The following LATS1 variants were observed in gnomAD, a reference collection of about 807,000 sequenced individuals.
The protein encoded by LATS1 is serine/threonine-protein kinase LATS1.
LATS1 carries 25 observed loss-of-function variants against 106.6 expected under a neutral mutation model. The observed-to-expected ratio is 0.23, with a 90% confidence interval of 0.17 to 0.33. The LOEUF is 0.33. LATS1 is among the 10% of genes least tolerant of loss of function. The pLI, the probability that LATS1 is intolerant of heterozygous loss-of-function variation, is 1.00. For synonymous variants in LATS1, 465 were observed against 455.6 expected (o/e 1.02, Z -0.26); for missense variants, 1,040 against 1,382.6 (o/e 0.75, Z 3.93).
chr6:149,716,549 CTATT>C (rs924211941), intron 1 of LATS1: 12 of 151,996 alleles, frequency 7.9e-5, no homozygotes, highest in African/African-American at 2.9e-4. Context: ...AGTTCCAACA[CTATT>C]TATATAGAAC....
In LATS1 at chr6:149,718,045, C is replaced by T. The variant is rs748499094; in HGVS notation, c.-337G>A. The T allele has an allele frequency of 1.9e-4, 59 of 307,462 alleles. No homozygotes were observed. The Middle Eastern group carries it at 5.0e-3, about 26-fold the overall frequency. The allele number at this position is 307,462 out of a possible 1,614,324, so 19.0% of individuals were successfully genotyped here. A position where few individuals can be genotyped will look rare whatever the true frequency, so the allele number is the denominator to read the frequency against. On this transcript the variant is annotated 5_prime_UTR_variant, in exon 1 of 8. Transcript: ENST00000543571. ...GGCTCTCCCCTTAACACCAGGCCAC[C>T]GCCGCCGCCGCCGCCATTTTGCCTT...
chr6:149,707,523 T>C (rs1199434196), intron 1 of LATS1, among the ~76,000 whole-genome samples: 3 of 152,198 alleles, frequency 2.0e-5, no homozygotes, highest in Non-Finnish European at 2.9e-5. Flanking sequence ...TTACATTCCA[T>C]GTAGTATACA....
intron 7 of LATS1, among the ~76,000 whole-genome samples, chr6:149,672,023 G>A (rs1347002347): frequency 6.6e-6 from 1 of 151,572 alleles, no homozygotes; most frequent in Admixed American, 6.6e-5. Flanking sequence ...CGAGTAGCTG[G>A]GATTACAGGT....
intron 3 of LATS1, among the ~76,000 whole-genome samples, chr6:149,686,406 C>T (rs1340546108): frequency 1.3e-5 from 2 of 152,150 alleles, no homozygotes; most frequent in Non-Finnish European, 2.9e-5. Context: ...TTAGAGTATA[C>T]AGTCACCCCT....
intron 2 of LATS1, chr6:149,697,109 G>A (rs893479240): frequency 2.2e-5 from 29 of 1,335,594 alleles, no homozygotes; most frequent in Non-Finnish European, 2.5e-5. Flanking sequence ...AGAGGATTCA[G>A]TATTTCAAAC....
In LATS1 at chr6:149,718,044, C is replaced by T. The variant is rs988034909; in HGVS notation, c.-336G>A. ...TGGCTCTCCCCTTAACACCAGGCCA[C>T]CGCCGCCGCCGCCGCCATTTTGCCT... On this transcript the variant is annotated 5_prime_UTR_variant, in exon 1 of 8. It adds an upstream start codon to the 5' untranslated region. Transcript: ENST00000543571. 5 of 307,904 alleles carry T rather than the reference C, an allele frequency of 1.6e-5. No individual in the cohort carries two copies. Among genetic ancestry groups the T allele is most frequent in the Non-Finnish European group, 2.5e-5 (4 of 157,202 alleles). The allele number at this position is 307,904 out of a possible 1,614,324, so 19.1% of individuals were successfully genotyped here. A position where few individuals can be genotyped will look rare whatever the true frequency, so the allele number is the denominator to read the frequency against.
chr6:149,707,011 CTTTTTTTT>C (rs745424840), intron 1 of LATS1, among the ~76,000 whole-genome samples: 2 of 110,444 alleles, frequency 1.8e-5, no homozygotes, highest in African/African-American at 3.6e-5. Flanking sequence ...CTGGACATCT[CTTTTTTTT>C]TTTTTTTTTT....
intron 3 of LATS1, 30 bp from the exon 4 acceptor site, chr6:149,684,622 A>C (rs1782261787): frequency 2.0e-6 from 3 of 1,470,180 alleles, no homozygotes; most frequent in Non-Finnish European, 2.7e-6. Context: ...AAAGAGAAAA[A>C]AGAATCATGT....
intron 7 of LATS1, among the ~76,000 whole-genome samples, chr6:149,666,399 C>G (rs898705401): frequency 2.6e-5 from 4 of 151,544 alleles, no homozygotes; most frequent in Non-Finnish European, 4.4e-5. Context: ...GGGCAGATCA[C>G]AAGGTCAGGA....
Position 149,676,310 on chromosome 6 carries a change from C to T in LATS1, c.2833G>A (p.Val945Met), listed in dbSNP as rs1446649490. The T allele has an allele frequency of 1.9e-6, 3 of 1,613,652 alleles. No homozygotes were observed. The Admixed American group carries it at 5.0e-5, about 27-fold the overall frequency. ...SVGVILFEML[V>M]GQPPFLAQTP... is the part of the protein sequence containing the mutation. ...TGTGCCAAGAAAGGAGGTTGTCCCA[C>T]CAACATTTCAAAAAGAATAACACCA... is the stretch of plus-strand genomic sequence containing the variant. The change falls in exon 7 of 8, where the codon GTG becomes ATG. Residue 945 changes from valine to methionine, a missense_variant. Physicochemically the swap from Val to Met is conservative, Grantham distance 21 (BLOSUM62 1). Transcript: ENST00000543571.
chr6:149,685,982 A>T (rs1782355694), intron 3 of LATS1, among the ~76,000 whole-genome samples: 1 of 152,184 alleles, frequency 6.6e-6, no homozygotes, highest in Non-Finnish European at 1.5e-5. Flanking sequence ...ACAAAAGACC[A>T]TTCAATAGTA....
At chr6:149,703,826 G>A (rs1398500658) in intron 1 of LATS1, among the ~76,000 whole-genome samples, 1 of 152,146 alleles carries the variant, frequency 6.6e-6, no homozygotes, top group African/African-American at 2.4e-5. Flanking sequence ...AGGATTAAGA[G>A]GAACAATGCA....
chr6:149,683,608 A>G lies in LATS1; in HGVS notation c.1481T>C (p.Ile494Thr), dbSNP rs753464608. The G allele has an allele frequency of 6.2e-7, 1 of 1,614,238 alleles. No homozygotes were observed. The highest frequency in any genetic ancestry group is 8.5e-7 in the Non-Finnish European group (1 of 1,180,042). The change falls in exon 4 of 8, where the codon ATT (isoleucine) becomes ACT (threonine). Residue 494 changes from isoleucine to threonine, a missense_variant. By Grantham distance (89) the Ile-to-Thr change is moderately conservative. Coordinates refer to ENST00000543571, the MANE Select transcript of LATS1 (RefSeq NM_004690.4). ...TTVTAITPAP[I>T]QQPVKSMRVL... The stretch of plus-strand genomic sequence containing the variant: ...ACGCATACTTTTCACAGGCTGTTGA[A>G]TAGGAGCTGGTGTAATTGCAGTGAC...
At chr6:149,703,686 A>T (rs1582916274) in intron 1 of LATS1, among the ~76,000 whole-genome samples, 1 of 152,208 alleles carries the variant, frequency 6.6e-6, no homozygotes, top group South Asian at 2.1e-4. Context: ...CAACATAGGG[A>T]GACCCTGTCT....
chr6:149,709,369 T>G (rs750710991), intron 1 of LATS1, among the ~76,000 whole-genome samples: 2 of 152,194 alleles, frequency 1.3e-5, no homozygotes, highest in Non-Finnish European at 2.9e-5. Flanking sequence ...ATCCAAGTAT[T>G]TGACCCCAAA....
At chr6:149,663,451 G>C (rs148994995) in intron 7 of LATS1, among the ~76,000 whole-genome samples, 1 of 152,032 alleles carries the variant, frequency 6.6e-6, no homozygotes, top group Non-Finnish European at 1.5e-5. Flanking sequence ...CTCCAGCCTG[G>C]GCGACAGAGC....
At chr6:149,663,326 T>C (rs1245367315) in intron 7 of LATS1, among the ~76,000 whole-genome samples, 1 of 152,016 alleles carries the variant, frequency 6.6e-6, no homozygotes, top group Non-Finnish European at 1.5e-5. Context: ...CTACAAAAAA[T>C]ACAAAAGTTA....
At position 149,717,884 on chromosome 6, in the gene LATS1, C is replaced by T. The variant is rs1272219604; in HGVS notation, c.-176G>A. ...GAGCAGAGCTCCTGGACAGCGGCCACGGGCCTGAGGGCGGACGCTGAGGCG... is the reference window on the plus strand; with the variant it reads ...GAGCAGAGCTCCTGGACAGCGGCCATGGGCCTGAGGGCGGACGCTGAGGCG... On this transcript the variant is annotated 5_prime_UTR_variant, in exon 1 of 8. It adds an upstream start codon to the 5' untranslated region. Coordinates refer to ENST00000543571, the MANE Select transcript of LATS1 (RefSeq NM_004690.4). 3 of 370,892 alleles carry T rather than the reference C, an allele frequency of 8.1e-6. No individual in the cohort carries two copies. The Admixed American group carries it at 1.1e-4, about 14-fold the overall frequency. The allele number at this position is 370,892 out of a possible 1,614,324, so 23.0% of individuals were successfully genotyped here. A position where few individuals can be genotyped will look rare whatever the true frequency, so the allele number is the denominator to read the frequency against.
At chr6:149,698,530 A>G (rs1383099710) in intron 2 of LATS1, among the ~76,000 whole-genome samples, 1 of 150,440 alleles carries the variant, frequency 6.6e-6, no homozygotes, top group Non-Finnish European at 1.5e-5. Flanking sequence ...ACAAGAGTGA[A>G]CCATCACACC....
Sources: gnomAD v4.1 joint callset for allele counts (sites outside exome capture counted in the v4.1 genomes callset) on GRCh38, gnomAD v4.1.1 for gene constraint, MANE v1.5 for transcripts, NCBI Gene and HGNC (gene_info 2026-07-23, HGNC 2026-07-21) for gene names.